Variants in NLGN1 observed in about 807,000 individuals in gnomAD.
NLGN1 encodes the protein neuroligin-1.
NLGN1 carries 12 observed loss-of-function variants against 65.5 expected under a neutral mutation model. That is an observed-to-expected ratio of 0.18 (90% confidence interval 0.12 to 0.30). NLGN1 has a LOEUF of 0.30. Ranked by LOEUF, NLGN1 falls within the 10% of genes least tolerant of loss-of-function variation. NLGN1 has a pLI of 1.00. For missense variants in NLGN1, 750 were observed against 1,007.1 expected (o/e 0.74, Z 3.46); for synonymous variants, 350 against 359.5 (o/e 0.97, Z 0.30).
chr3:174,054,528 C>T (rs986671682), intron 4 of NLGN1, among the ~76,000 whole-genome samples: 1 of 151,926 alleles, frequency 6.6e-6, no homozygotes, highest in Non-Finnish European at 1.5e-5. Flanking sequence ...CTTTCCATCC[C>T]TCCTCCCTAA....
At chr3:174,289,967 ATG>A (rs1262169968), downstream of NLGN1, among the ~76,000 whole-genome samples, 42 of 104,408 alleles carry the variant, frequency 4.0e-4, no homozygotes, top group African/African-American at 1.6e-3. Context: ...ATATATATAT[ATG>A]TATATATATA....
intron 4 of NLGN1, among the ~76,000 whole-genome samples, chr3:174,255,333 G>A (rs1242919832): frequency 1.3e-5 from 2 of 151,308 alleles, no homozygotes; most frequent in Non-Finnish European, 2.9e-5. Context: ...TTACTCAGGA[G>A]GCTGAGGCAG....
intron 3 of NLGN1, among the ~76,000 whole-genome samples, chr3:173,763,121 C>T (rs1043718276): frequency 6.6e-6 from 1 of 151,976 alleles, no homozygotes; most frequent in South Asian, 2.1e-4. Context: ...GAGCTTACTT[C>T]ATTCTTTATC....
intron 3 of NLGN1, among the ~76,000 whole-genome samples, chr3:173,738,160 G>A (rs1774076966): frequency 6.6e-6 from 1 of 151,762 alleles, no homozygotes; most frequent in South Asian, 2.1e-4. Flanking sequence ...TCTTTTATGA[G>A]ATACATGATT....
intron 2 of NLGN1, among the ~76,000 whole-genome samples, chr3:173,445,630 T>G (rs189173395): frequency 6.6e-6 from 1 of 152,338 alleles, no homozygotes; most frequent in African/African-American, 2.4e-5. Context: ...TGCTGAGATA[T>G]GTTGGACAGT....
intron 4 of NLGN1, among the ~76,000 whole-genome samples, chr3:174,156,530 G>A (rs570794635): frequency 2.0e-5 from 3 of 151,910 alleles, no homozygotes; most frequent in Admixed American, 6.6e-5. Context: ...AGGGAAAAGT[G>A]AGATTTTTCT....
At chr3:174,205,831 A>G (rs1177935273) in intron 4 of NLGN1, among the ~76,000 whole-genome samples, 2 of 152,182 alleles carry the variant, frequency 1.3e-5, no homozygotes, top group Non-Finnish European at 2.9e-5. Context: ...GAGAAAGCCT[A>G]TTTTTAAGTA....
chr3:173,432,249 T>C (rs1433155836), intron 1 of NLGN1, among the ~76,000 whole-genome samples: 3 of 152,124 alleles, frequency 2.0e-5, no homozygotes, highest in Admixed American at 2.0e-4. Context: ...TACCAGGGGG[T>C]GTGATGGCTG....
At chr3:173,451,446 C>T (rs1273290952) in intron 2 of NLGN1, among the ~76,000 whole-genome samples, 2 of 152,080 alleles carry the variant, frequency 1.3e-5, no homozygotes, top group Non-Finnish European at 2.9e-5. Flanking sequence ...AGTACCTGGC[C>T]GTGTGAGGTG....
intron 2 of NLGN1, among the ~76,000 whole-genome samples, chr3:173,461,116 A>G (rs1723300871): frequency 1.3e-5 from 2 of 152,108 alleles, no homozygotes; most frequent in South Asian, 2.1e-4. Context: ...CTTGTAGTCA[A>G]CTCCAAACAA....
chr3:173,403,418 A>G (rs190377316), intron 1 of NLGN1, among the ~76,000 whole-genome samples: 360 of 152,274 alleles, frequency 2.4e-3, no homozygotes, highest in Non-Finnish European at 4.3e-3. Flanking sequence ...CAGAGATAAT[A>G]TGAGAAATGA....
At chr3:174,016,098 C>A (rs750114228) in intron 4 of NLGN1, among the ~76,000 whole-genome samples, 5 of 152,114 alleles carry the variant, frequency 3.3e-5, no homozygotes, top group Non-Finnish European at 5.9e-5. Flanking sequence ...AATAATGTGA[C>A]TCACAAAAAT....
chr3:173,398,226 A>C (rs1264029384), upstream of NLGN1, among the ~76,000 whole-genome samples: 1 of 152,154 alleles, frequency 6.6e-6, no homozygotes, highest in Non-Finnish European at 1.5e-5. Flanking sequence ...TGCTCTCCCC[A>C]GGCCCTCCGG....
At chr3:174,113,985 C>A (rs1715800191) in intron 4 of NLGN1, among the ~76,000 whole-genome samples, 1 of 152,104 alleles carries the variant, frequency 6.6e-6, no homozygotes, top group Non-Finnish European at 1.5e-5. Context: ...TAGTAGGAAC[C>A]ACTCTAATAA....
At chr3:173,749,510 G>C (rs983185966) in intron 3 of NLGN1, among the ~76,000 whole-genome samples, 1 of 151,984 alleles carries the variant, frequency 6.6e-6, no homozygotes, top group Non-Finnish European at 1.5e-5. Flanking sequence ...AATCAATCTA[G>C]ACAAATGGCT....
chr3:173,924,669 A>G (rs1742694522), intron 4 of NLGN1, among the ~76,000 whole-genome samples: 1 of 152,056 alleles, frequency 6.6e-6, no homozygotes, highest in African/African-American at 2.4e-5. Context: ...AGATACAAAT[A>G]AAAGAGTCAA....
chr3:173,932,877 T>A (rs1280273530), intron 4 of NLGN1, among the ~76,000 whole-genome samples: 8 of 152,122 alleles, frequency 5.3e-5, no homozygotes, highest in African/African-American at 1.9e-4. Context: ...GGAGGTGCTG[T>A]ATTATAGCTT....
chr3:173,768,862 C>T (rs994847586), intron 3 of NLGN1, among the ~76,000 whole-genome samples: 1 of 152,046 alleles, frequency 6.6e-6, no homozygotes, highest in Non-Finnish European at 1.5e-5. Flanking sequence ...ACCTCTGCCT[C>T]CCAGGCTCAA....
intron 4 of NLGN1, among the ~76,000 whole-genome samples, chr3:173,859,248 T>C (rs1362785416): frequency 3.3e-5 from 5 of 152,226 alleles, no homozygotes; most frequent in South Asian, 2.1e-4. Flanking sequence ...TTTTAATAAC[T>C]AACTATGAAA....
Sources: gnomAD v4.1 joint callset for allele counts (sites outside exome capture counted in the v4.1 genomes callset) on GRCh38, gnomAD v4.1.1 for gene constraint, MANE v1.5 for transcripts, NCBI Gene and HGNC (gene_info 2026-07-23, HGNC 2026-07-21) for gene names.